Variants in FOCAD observed in about 807,000 individuals in gnomAD.
The protein encoded by FOCAD is focadhesin.
A neutral mutation model predicts 225.6 loss-of-function variants in FOCAD; 198 were observed. The observed-to-expected ratio is 0.88, with a 90% CI of 0.78 to 0.99. The LOEUF (loss-of-function observed/expected upper bound fraction) is 0.99, where lower values mean the gene tolerates loss of function less well. FOCAD is among the 50% of genes least tolerant of loss of function. FOCAD has a pLI of 0.00. For missense variants in FOCAD, 2,713 were observed against 2,123.6 expected (o/e 1.28, Z -5.46); for synonymous variants, 897 against 755.0 (o/e 1.19, Z -3.08).
intron 18 of FOCAD, among the ~76,000 whole-genome samples, chr9:20,870,453 A>G (rs1254667986): frequency 6.6e-6 from 1 of 152,222 alleles, no homozygotes; most frequent in African/African-American, 2.4e-5. Context: ...TGTGGGATAC[A>G]CTTTCCAGTA....
intron 35 of FOCAD, among the ~76,000 whole-genome samples, chr9:20,961,122 G>T (rs946086147): frequency 4.0e-5 from 6 of 151,606 alleles, no homozygotes; most frequent in African/African-American, 1.5e-4. Context: ...GCGTTCTGCT[G>T]TAAGAAATGG....
At chr9:20,862,963 C>G (rs1456040181) in intron 16 of FOCAD, 1 of 288,102 alleles carries the variant, frequency 3.5e-6, no homozygotes, top group Non-Finnish European at 6.4e-6. Context: ...TATTGTAAAA[C>G]TAGTGTTTCC....
At chr9:20,688,605 T>C (rs985430190) in intron 1 of FOCAD, among the ~76,000 whole-genome samples, 17 of 152,034 alleles carry the variant, frequency 1.1e-4, no homozygotes, top group Admixed American at 1.0e-3. Context: ...TGAGAATGGA[T>C]GATGCCTAAG....
intron 34 of FOCAD, chr9:20,952,554 C>T: frequency 5.2e-6 from 1 of 190,988 alleles, no homozygotes; most frequent in South Asian, 1.0e-4. Flanking sequence ...TGTTGAATTT[C>T]TATGGTTCAT....
intron 34 of FOCAD, 74 bp from the exon 35 acceptor site, chr9:20,952,911 C>G (rs1438828308): frequency 1.0e-5 from 12 of 1,151,042 alleles, no homozygotes; most frequent in Non-Finnish European, 1.3e-6. Flanking sequence ...GATATGGCAG[C>G]ATGAGATCAT....
At chr9:20,676,207 A>G (rs1822229707) in intron 2 of FOCAD, among the ~76,000 whole-genome samples, 1 of 152,212 alleles carries the variant, frequency 6.6e-6, no homozygotes, top group South Asian at 2.1e-4. Context: ...TTTCTGACCC[A>G]GAAGTTCCAA....
At chr9:20,975,459 A>G (rs1181823109) in intron 35 of FOCAD, among the ~76,000 whole-genome samples, 1 of 152,230 alleles carries the variant, frequency 6.6e-6, no homozygotes, top group Non-Finnish European at 1.5e-5. Flanking sequence ...CAGAAAAACT[A>G]GAGACTCCCA....
At chr9:20,964,003 A>G (rs1011762125) in intron 35 of FOCAD, among the ~76,000 whole-genome samples, 16 of 152,184 alleles carry the variant, frequency 1.1e-4, no homozygotes, top group African/African-American at 3.9e-4. Flanking sequence ...TACTCGGTAA[A>G]TAGTTGAATG....
At position 20,976,508 on chromosome 9, in the gene FOCAD, C is replaced by A; in HGVS notation, c.4221C>A (p.Asn1407Lys). 1 of 1,613,264 alleles carries A rather than the reference C, an allele frequency of 6.2e-7. No homozygotes were observed. The highest frequency in any genetic ancestry group is 8.5e-7 in the Non-Finnish European group (1 of 1,179,342). ...VGESYQYPPV[N>K]WAALLSPLMR... ...AAAGCTACCAATATCCTCCTGTGAACTGGGCTGCACTTCTCTCTCCACTTA... is the reference window on the plus strand; with the variant it reads ...AAAGCTACCAATATCCTCCTGTGAAATGGGCTGCACTTCTCTCTCCACTTA... Residue 1407 changes from asparagine (N) to lysine (K), a missense_variant, in exon 36 of 44, where the codon AAC (asparagine) becomes AAA (lysine). Transcript: ENST00000338382.
chr9:20,725,984 AATT>A (rs1229490756), intron 4 of FOCAD, among the ~76,000 whole-genome samples: 1 of 152,206 alleles, frequency 6.6e-6, no homozygotes, highest in Non-Finnish European at 1.5e-5. Context: ...TTTGAAAAAA[AATT>A]ATTCCCTAGG....
chr9:20,799,881 C>G (rs1038191791), intron 11 of FOCAD, among the ~76,000 whole-genome samples: 1 of 152,068 alleles, frequency 6.6e-6, no homozygotes, highest in African/African-American at 2.4e-5. Flanking sequence ...TGAATTTGAT[C>G]CTGTCATTAT....
Position 20,764,904 on chromosome 9 carries a change from T to G in FOCAD, c.530T>G (p.Phe177Cys), listed in dbSNP as rs977903874. 6.2e-7 allele frequency: 1 copy of G among 1,613,974 alleles called. No individual in the cohort carries two copies. Among genetic ancestry groups the G allele is most frequent in the African/African-American group, 1.3e-5 (1 of 74,918 alleles). The change falls in exon 7 of 44, where the codon TTT (phenylalanine) becomes TGT (cysteine). Residue 177 changes from phenylalanine (F) to cysteine (C), a missense_variant. Phe to Cys is a radical substitution (Grantham distance 205, BLOSUM62 -2). Transcript: ENST00000338382. The part of the protein sequence containing the change: ...EVSCIQIMAP[F>C]LWYLYCEPSQ... ...TCATGCATTCAAATAATGGCACCAT[T>G]TCTGTGGTATCTGTATTGTGAACCA...
chr9:20,864,065 G>A lies in FOCAD; in HGVS notation c.2055+1353G>A, dbSNP rs1404726558. ...CTATCTCTTCCTGCCCAGTTAGGGGGAGTCTCTTCAGTGAACATAGTCCCC... is the reference window on the plus strand; with the variant it reads ...CTATCTCTTCCTGCCCAGTTAGGGGAAGTCTCTTCAGTGAACATAGTCCCC... On this transcript the variant is annotated intron_variant, in intron 16 of 43. Coordinates refer to ENST00000338382, the MANE Select transcript of FOCAD (RefSeq NM_001375567.1). 2.6e-5 allele frequency among the ~76,000 whole-genome samples: 4 copies of A among 152,044 alleles called. No individual in the cohort carries two copies. In the East Asian group the frequency reaches 5.8e-4, roughly 22 times the overall value.
intron 2 of FOCAD, among the ~76,000 whole-genome samples, chr9:20,717,590 A>G (rs1825438906): frequency 2.0e-5 from 3 of 152,200 alleles, no homozygotes; most frequent in East Asian, 1.9e-4. Context: ...CCTGGGATAG[A>G]TATGCCTACC....
intron 8 of FOCAD, among the ~76,000 whole-genome samples, chr9:20,771,086 A>T (rs1468793536): frequency 1.3e-5 from 2 of 152,194 alleles, no homozygotes; most frequent in Non-Finnish European, 2.9e-5. Context: ...TCGAAGACTG[A>T]ATGGAATGTG....
At chr9:20,987,511 A>AG (rs1564248351) in intron 40 of FOCAD, among the ~76,000 whole-genome samples, 1 of 151,778 alleles carries the variant, frequency 6.6e-6, no homozygotes, top group Non-Finnish European at 1.5e-5. Flanking sequence ...GCATCTTGAA[A>AG]AAAAAAAAAA....
intron 19 of FOCAD, chr9:20,875,506 A>G (rs1830156603): frequency 6.6e-6 from 1 of 152,062 alleles, no homozygotes; most frequent in Non-Finnish European, 1.5e-5. Flanking sequence ...AGGCACAAGA[A>G]TCACTTGAAG....
Position 20,990,312 on chromosome 9 carries a change from C to G in FOCAD, c.5194C>G (p.Leu1732Val). ...HRVTLQEVLT[L>V]LPNSMALLLQ... ...GGTCACTCTGCAGGAGGTTCTCACTCTCCTTCCCAATAGCATGGCTCTGCT... is the reference window on the plus strand; with the variant it reads ...GGTCACTCTGCAGGAGGTTCTCACTGTCCTTCCCAATAGCATGGCTCTGCT... Residue 1732 changes from leucine (L) to valine (V), a missense_variant, in exon 42 of 44, where the codon CTC (leucine) becomes GTC (valine). Transcript: ENST00000338382. The G allele has an allele frequency of 6.2e-7, 1 of 1,614,098 alleles. No homozygotes were observed. Among genetic ancestry groups the G allele is most frequent in the South Asian group, 1.1e-5 (1 of 91,076 alleles).
chr9:20,664,852 T>C (rs954380480), intron 2 of FOCAD, among the ~76,000 whole-genome samples: 4 of 152,108 alleles, frequency 2.6e-5, no homozygotes, highest in African/African-American at 9.7e-5. Flanking sequence ...ATTGTATACT[T>C]TAAATACATA....
Sources: allele counts gnomAD v4.1 joint callset (sites outside exome capture counted in the v4.1 genomes callset), GRCh38; gene constraint gnomAD v4.1.1; transcripts MANE v1.5; gene names NCBI Gene and HGNC (gene_info 2026-07-23, HGNC 2026-07-21).